NAALAD2: variants seen among roughly 807,000 people sequenced by gnomAD.
NAALAD2 encodes the protein N-acetylated-alpha-linked acidic dipeptidase 2.
NAALAD2 carries 89 observed loss-of-function variants against 95.6 expected under a neutral mutation model. The observed-to-expected ratio is 0.93, with a 90% confidence interval of 0.78 to 1.11. The LOEUF (loss-of-function observed/expected upper bound fraction) is 1.11. Among genes scored for constraint, NAALAD2 ranks in the 50% least tolerant of loss-of-function variants. NAALAD2 has a pLI of 0.00. For synonymous variants in NAALAD2, 264 were observed against 294.4 expected (o/e 0.90, Z 1.06); for missense variants, 894 against 872.4 (o/e 1.02, Z -0.31).
intron 2 of NAALAD2, among the ~76,000 whole-genome samples, chr11:90,137,887 C>T (rs1312602908): frequency 1.3e-5 from 2 of 151,930 alleles, no homozygotes; most frequent in East Asian, 1.9e-4. Context: ...AAGTGACATA[C>T]CCACCTCACC....
chr11:90,183,700 T>C (rs7944733), intron 18 of NAALAD2, among the ~76,000 whole-genome samples: 62,320 of 151,948 alleles, frequency 0.41, 13,079 homozygotes, highest in South Asian at 0.49. Flanking sequence ...ACATGAGATA[T>C]TCAACACTTC....
rs1438275775 is a variant in NAALAD2, at chr11:90,135,658, A to G, written c.182A>G (p.Lys61Arg). The change falls in exon 2 of 19, where the codon AAA (lysine) becomes AGA (arginine). Residue 61 changes from lysine (K) to arginine (R), a missense_variant. By Grantham distance (26) the Lys-to-Arg change is conservative (BLOSUM62 2). Transcript: ENST00000534061. ...TCCGAAATGAAAGCTGAAAACATCA[A>G]ATCATTTCTTCGGTAAGTTTATTTT... is the stretch of plus-strand genomic sequence containing the variant. ...LVSEMKAENIKSFLRSFTKLP... is the reference protein window; with the variant it reads ...LVSEMKAENIRSFLRSFTKLP... 1 of 1,610,762 alleles carries G rather than the reference A, an allele frequency of 6.2e-7. No homozygotes were observed. The highest frequency in any genetic ancestry group is 1.7e-5 in the Admixed American group (1 of 59,440).
intron 13 of NAALAD2, 65 bp downstream of exon 13, chr11:90,170,201 C>T: frequency 3.1e-6 from 3 of 978,516 alleles, no homozygotes; most frequent in Non-Finnish European, 4.9e-6. Flanking sequence ...CGTGTGTTCC[C>T]CCCTAAATTA....
At chr11:90,148,611 G>A (rs971944337) in intron 3 of NAALAD2, among the ~76,000 whole-genome samples, 2 of 152,062 alleles carry the variant, frequency 1.3e-5, no homozygotes, top group Non-Finnish European at 2.9e-5. Context: ...ATGAAGTGTC[G>A]CAGGGAGGGA....
Position 90,134,752 on chromosome 11 carries a change from A to G in NAALAD2, c.-7A>G. The G allele has an allele frequency of 6.2e-7, 1 of 1,613,738 alleles. No individual in the cohort carries two copies. Among genetic ancestry groups the G allele is most frequent in the Non-Finnish European group, 8.5e-7 (1 of 1,180,004 alleles). On this transcript the variant is annotated 5_prime_UTR_variant, in exon 1 of 19. Transcript: ENST00000534061. ...GCAGGCGCCCCAAGCTCGGTCCTCA[A>G]GAAGCCATGGCGGAATCCAGGGGCC... is the stretch of plus-strand genomic sequence containing the variant.
intron 2 of NAALAD2, among the ~76,000 whole-genome samples, chr11:90,138,022 G>C (rs562747098): frequency 6.6e-6 from 1 of 152,112 alleles, no homozygotes; most frequent in South Asian, 2.1e-4. Flanking sequence ...CCCCCATGCA[G>C]TCAAAAATCC....
At chr11:90,140,291 G>A (rs2134828841) in intron 2 of NAALAD2, among the ~76,000 whole-genome samples, 1 of 152,034 alleles carries the variant, frequency 6.6e-6, no homozygotes, top group East Asian at 1.9e-4. Flanking sequence ...CTTTATGTTT[G>A]TTTACATTTC....
intron 15 of NAALAD2, among the ~76,000 whole-genome samples, chr11:90,176,472 G>T (rs773338782): frequency 1.3e-5 from 2 of 151,962 alleles, no homozygotes; most frequent in Non-Finnish European, 2.9e-5. Flanking sequence ...CATTATTGTC[G>T]GTAGCTCCTC....
intron 18 of NAALAD2, among the ~76,000 whole-genome samples, chr11:90,185,043 A>T (rs1042948131): frequency 1.3e-5 from 2 of 152,118 alleles, no homozygotes; most frequent in African/African-American, 4.8e-5. Context: ...ATAGTAAGCC[A>T]TTTTATATAA....
At chr11:90,168,798 C>G in intron 11 of NAALAD2, 131 bp from the exon 12 acceptor site, 1 of 689,396 alleles carries the variant, frequency 1.5e-6, no homozygotes, top group Non-Finnish European at 2.5e-6. Flanking sequence ...ATTAGGGTCA[C>G]AGATGGACCT....
intron 2 of NAALAD2, among the ~76,000 whole-genome samples, chr11:90,138,241 T>C (rs11018870): frequency 6.6e-6 from 1 of 151,894 alleles, no homozygotes; most frequent in African/African-American, 2.4e-5. Flanking sequence ...TAGATTTTCA[T>C]GAAGGTCTTC....
Position 90,191,603 on chromosome 11 carries a change from A to G in NAALAD2, c.2079A>G (p.Glu693=). Residue 693 remains glutamate, a synonymous_variant, in exon 19 of 19, where the codon GAA becomes GAG. Coordinates refer to ENST00000534061, the MANE Select transcript of NAALAD2 (RefSeq NM_005467.4). The part of the protein sequence containing the change: ...APSSHNKYAG[E]SFPGIYDAIF... The stretch of plus-strand genomic sequence containing the variant: ...GTAGCCACAACAAATATGCTGGAGA[A>G]TCATTTCCTGGAATCTATGATGCTA... 6.2e-7 allele frequency: 1 copy of G among 1,603,420 alleles called. No individual in the cohort carries two copies. Among genetic ancestry groups the G allele is most frequent in the South Asian group, 1.1e-5 (1 of 88,226 alleles).
intron 18 of NAALAD2, among the ~76,000 whole-genome samples, chr11:90,190,461 G>A (rs1283033277): frequency 6.6e-6 from 1 of 152,082 alleles, no homozygotes. Flanking sequence ...TTTGCCAAAG[G>A]TCACTGAGAT....
Position 90,168,928 on chromosome 11 carries a change from G to A in NAALAD2, c.1279-1G>A. On this transcript the variant is annotated splice_acceptor_variant, in intron 11 of 18. Coordinates refer to ENST00000534061, the MANE Select transcript of NAALAD2 (RefSeq NM_005467.4). LOFTEE classifies it high-confidence loss of function. ...AAGTAACAACTTTGCTTCAACTACAGGAGAATGTCAAAATACTCCAGGAGA... is the reference window on the plus strand; with the variant it reads ...AAGTAACAACTTTGCTTCAACTACAAGAGAATGTCAAAATACTCCAGGAGA... The A allele has an allele frequency of 6.2e-7, 1 of 1,605,512 alleles. No homozygotes were observed. Among genetic ancestry groups the A allele is most frequent in the Non-Finnish European group, 8.5e-7 (1 of 1,176,100 alleles).
At chr11:90,154,676 T>G (rs77567961) in intron 6 of NAALAD2, among the ~76,000 whole-genome samples, 5,399 of 151,378 alleles carry the variant, frequency 0.036, 145 homozygotes, top group East Asian at 0.1. Flanking sequence ...TTCACTTTTT[T>G]GCAAGAGTTT....
At chr11:90,157,753 G>T (rs189409240) in intron 6 of NAALAD2, among the ~76,000 whole-genome samples, 2 of 150,282 alleles carry the variant, frequency 1.3e-5, no homozygotes, top group East Asian at 3.9e-4. Context: ...ACAGAGTCTT[G>T]CTCCGTCTCC....
At chr11:90,159,937 A>T (rs1340627277) in intron 8 of NAALAD2, among the ~76,000 whole-genome samples, 1 of 148,348 alleles carries the variant, frequency 6.7e-6, no homozygotes, top group Admixed American at 6.7e-5. Context: ...CTGGCCAACA[A>T]GACTGAAACT....
chr11:90,165,163 C>T (rs564902214), intron 11 of NAALAD2, among the ~76,000 whole-genome samples: 39 of 152,276 alleles, frequency 2.6e-4, no homozygotes, highest in African/African-American at 7.9e-4. Context: ...TCATTTTTTA[C>T]GACTGTGTAG....
chr11:90,158,957 A>C lies in NAALAD2; in HGVS notation c.891-282A>C. 9.1e-6 allele frequency: 3 copies of C among 330,930 alleles called. No individual in the cohort carries two copies. The South Asian group carries it at 9.9e-5, about 11-fold the overall frequency. The allele number at this position is 330,930 out of a possible 1,614,324, so 20.5% of individuals were successfully genotyped here. ...TCAGTGAGTCCCCACATAAATAATTAAGGTCAAAAATAAGGAGATAGCCTT... is the reference window on the plus strand; with the variant it reads ...TCAGTGAGTCCCCACATAAATAATTCAGGTCAAAAATAAGGAGATAGCCTT... On this transcript the variant is annotated intron_variant, in intron 7 of 18. Transcript: ENST00000534061.
Sources: gnomAD v4.1 joint callset for allele counts (sites outside exome capture counted in the v4.1 genomes callset) on GRCh38, gnomAD v4.1.1 for gene constraint, MANE v1.5 for transcripts, NCBI Gene and HGNC (gene_info 2026-07-23, HGNC 2026-07-21) for gene names.